SPAG16: variants seen among roughly 807,000 people sequenced by gnomAD.
The protein encoded by SPAG16 is sperm-associated antigen 16 protein.
In SPAG16, 86 loss-of-function variants were observed where a neutral mutation model predicts 80.4. The observed-to-expected ratio is 1.07, with a 90% confidence interval of 0.90 to 1.28. The LOEUF (loss-of-function observed/expected upper bound fraction) is 1.28, where lower values mean the gene tolerates loss of function less well. Ranked by LOEUF, SPAG16 falls within the 50% of genes most tolerant of loss-of-function variation. The pLI is 0.00. For missense variants in SPAG16, 870 were observed against 765.3 expected (o/e 1.14, Z -1.61); for synonymous variants, 294 against 265.9 (o/e 1.11, Z -1.03).
intron 10 of SPAG16, among the ~76,000 whole-genome samples, chr2:213,716,342 G>A (rs534260441): frequency 6.6e-6 from 1 of 152,146 alleles, no homozygotes; most frequent in African/African-American, 2.4e-5. Flanking sequence ...AATGATGTGA[G>A]AGTATCAGTG....
chr2:214,176,808 ATG>A (rs141462328), intron 15 of SPAG16, among the ~76,000 whole-genome samples: 70 of 149,948 alleles, frequency 4.7e-4, no homozygotes, highest in African/African-American at 1.4e-3. Context: ...AATTTATTGA[ATG>A]TGTGTGTGTG....
At chr2:213,463,314 A>G (rs914514871) in intron 9 of SPAG16, among the ~76,000 whole-genome samples, 2 of 152,258 alleles carry the variant, frequency 1.3e-5, no homozygotes, top group Non-Finnish European at 2.9e-5. Context: ...GGAGAAATTC[A>G]AGCCAGCTGC....
At chr2:213,463,813 C>T (rs2072521331) in intron 9 of SPAG16, among the ~76,000 whole-genome samples, 1 of 152,188 alleles carries the variant, frequency 6.6e-6, no homozygotes, top group Non-Finnish European at 1.5e-5. Context: ...ACTGGTGTTG[C>T]AGTTTTTTTG....
At chr2:213,845,243 G>T (rs2074557901) in intron 10 of SPAG16, among the ~76,000 whole-genome samples, 1 of 148,474 alleles carries the variant, frequency 6.7e-6, no homozygotes, top group Non-Finnish European at 1.5e-5. Context: ...TGTTGCCCAG[G>T]CTGGAGTGCA....
intron 11 of SPAG16, among the ~76,000 whole-genome samples, chr2:213,921,512 G>C (rs746478064): frequency 6.6e-5 from 10 of 152,066 alleles, no homozygotes; most frequent in Non-Finnish European, 1.2e-4. Flanking sequence ...ATTTTAATTG[G>C]GGGATTAAGC....
chr2:213,399,730 C>T (rs1290390540), intron 9 of SPAG16, among the ~76,000 whole-genome samples: 1 of 151,846 alleles, frequency 6.6e-6, no homozygotes, highest in East Asian at 1.9e-4. Context: ...AAGACCTATT[C>T]CTTAAATGTA....
rs755345457 is a variant in SPAG16, at chr2:213,322,334, C to CAAAAAAAAAAAAAAA, written c.536+4986_536+5000dup. 8.4e-5 allele frequency among the ~76,000 whole-genome samples: 2 copies of CAAAAAAAAAAAAAAA among 23,682 alleles called. 1 individual carries two copies. The highest frequency in any genetic ancestry group is 1.7e-4 in the Non-Finnish European group (2 of 11,480). The allele number at this position is 23,682 out of a possible 152,430, so 15.5% of individuals were successfully genotyped here. ...TCTTCTTTCCATAGTGTAGACAATG[C>CAAAAAAAAAAAAAAA]AAAAAAAAAAAAAAAAAAAAAACAA... is the stretch of plus-strand genomic sequence containing the variant. On this transcript the variant is annotated intron_variant, in intron 5 of 15. Coordinates refer to ENST00000331683, the MANE Select transcript of SPAG16 (RefSeq NM_024532.5).
At chr2:214,123,148 T>C (rs2054301649) in intron 14 of SPAG16, among the ~76,000 whole-genome samples, 1 of 151,938 alleles carries the variant, frequency 6.6e-6, no homozygotes, top group Non-Finnish European at 1.5e-5. Context: ...ATAAGGTAAC[T>C]ATAATAAATT....
At chr2:214,111,152 A>G (rs1384274311) in intron 14 of SPAG16, among the ~76,000 whole-genome samples, 2 of 152,160 alleles carry the variant, frequency 1.3e-5, no homozygotes, top group African/African-American at 2.4e-5. Flanking sequence ...CCATTTGTCT[A>G]TTCTGGCTTT....
intron 5 of SPAG16, among the ~76,000 whole-genome samples, chr2:213,339,178 G>A (rs1298776746): frequency 6.6e-6 from 1 of 152,152 alleles, no homozygotes; most frequent in African/African-American, 2.4e-5. Flanking sequence ...ATCTTTGGTA[G>A]CATCCCATAC....
chr2:213,397,365 T>C (rs79086070), intron 9 of SPAG16, among the ~76,000 whole-genome samples: 3,619 of 152,208 alleles, frequency 0.024, 61 homozygotes, highest in African/African-American at 0.039. Flanking sequence ...CAGATAAGTG[T>C]CCCCTTTGCT....
intron 13 of SPAG16, among the ~76,000 whole-genome samples, chr2:214,045,283 C>A (rs557534620): frequency 9.8e-5 from 15 of 152,300 alleles, no homozygotes; most frequent in African/African-American, 3.6e-4. Context: ...TCTAGATATA[C>A]CCTGGGCCAG....
At chr2:213,344,371 C>G (rs546411001) in intron 6 of SPAG16, among the ~76,000 whole-genome samples, 1 of 151,994 alleles carries the variant, frequency 6.6e-6, no homozygotes, top group African/African-American at 2.4e-5. Context: ...ACCTTATTCA[C>G]TGGAGTTTTT....
chr2:213,680,482 T>A (rs1291161853), intron 10 of SPAG16, among the ~76,000 whole-genome samples: 1 of 152,020 alleles, frequency 6.6e-6, no homozygotes, highest in Non-Finnish European at 1.5e-5. Flanking sequence ...ACAAGGGCTC[T>A]TATGGATGTC....
chr2:214,251,196 C>T (rs1010258076), intron 15 of SPAG16, among the ~76,000 whole-genome samples: 2 of 151,602 alleles, frequency 1.3e-5, no homozygotes, highest in Non-Finnish European at 2.9e-5. Context: ...TTCACACACA[C>T]ACCTGCACAC....
At chr2:213,503,685 A>C (rs1304002540) in intron 10 of SPAG16, among the ~76,000 whole-genome samples, 1 of 152,256 alleles carries the variant, frequency 6.6e-6, no homozygotes, top group Non-Finnish European at 1.5e-5. Context: ...TATCCTTAAA[A>C]ATAAATCATT....
chr2:213,933,041 GAATA>G (rs1187678054), intron 12 of SPAG16, among the ~76,000 whole-genome samples: 1 of 149,174 alleles, frequency 6.7e-6, no homozygotes, highest in African/African-American at 2.5e-5. Flanking sequence ...TTACATAAAT[GAATA>G]AAGAGTGATT....
chr2:214,062,667 CT>C (rs36069141), intron 13 of SPAG16, among the ~76,000 whole-genome samples: 4,362 of 122,678 alleles, frequency 0.036, 90 homozygotes, highest in African/African-American at 0.067. Context: ...ATAGCCTCCT[CT>C]TTTTTTTTTT....
intron 13 of SPAG16, among the ~76,000 whole-genome samples, chr2:214,046,173 G>A (rs970027781): frequency 6.6e-6 from 1 of 151,878 alleles, no homozygotes; most frequent in Non-Finnish European, 1.5e-5. Context: ...AACCTAAACA[G>A]ACCAATAACA....
Sources: gnomAD v4.1 joint callset for allele counts (sites outside exome capture counted in the v4.1 genomes callset) on GRCh38, gnomAD v4.1.1 for gene constraint, MANE v1.5 for transcripts, NCBI Gene and HGNC (gene_info 2026-07-23, HGNC 2026-07-21) for gene names.